Variants in SP100 observed in about 807,000 individuals in gnomAD.
SP100 encodes the protein SP100 nuclear body protein, also known as nuclear autoantigen Sp-100.
A neutral mutation model predicts 130.0 loss-of-function variants in SP100; 84 were observed. The ratio of observed to expected loss-of-function variants is 0.65; its 90% confidence interval spans 0.54 to 0.77. SP100 has a LOEUF of 0.77. Ranked by LOEUF, SP100 falls within the 30% of genes least tolerant of loss-of-function variation. The probability of loss-of-function intolerance (pLI) is 0.00; values close to 1 mark genes in which losing one functional copy is unlikely to be tolerated. For synonymous variants in SP100, 331 were observed against 351.7 expected, an observed-to-expected ratio of 0.94 and a Z score of 0.66; for missense variants, 978 against 1,052.2, an observed-to-expected ratio of 0.93 and a Z score of 0.97.
intron 2 of SP100, among the ~76,000 whole-genome samples, chr2:230,429,297 G>A (rs1575593435): frequency 6.6e-6 from 1 of 152,186 alleles, no homozygotes; most frequent in East Asian, 1.9e-4. Context: ...GGGCTGAGAG[G>A]AGGAGGTTTC....
At chr2:230,503,352 G>C (rs1004705106) in intron 20 of SP100, among the ~76,000 whole-genome samples, 2 of 152,088 alleles carry the variant, frequency 1.3e-5, no homozygotes, top group Non-Finnish European at 2.9e-5. Flanking sequence ...TTTGTTGATT[G>C]ATTGATTAAT....
chr2:230,517,370 GA>G (rs1387685900), intron 24 of SP100, among the ~76,000 whole-genome samples: 1 of 152,140 alleles, frequency 6.6e-6, no homozygotes, highest in Non-Finnish European at 1.5e-5. Flanking sequence ...AAGCAATACA[GA>G]AAGTTGTATG....
intron 2 of SP100, among the ~76,000 whole-genome samples, chr2:230,431,959 G>A (rs1174950173): frequency 6.6e-6 from 1 of 152,056 alleles, no homozygotes; most frequent in African/African-American, 2.4e-5. Flanking sequence ...CAGAATTACA[G>A]AGTTGTGCAA....
At chr2:230,534,659 C>A (rs1220756202) in intron 24 of SP100, among the ~76,000 whole-genome samples, 1 of 152,200 alleles carries the variant, frequency 6.6e-6, no homozygotes, top group Non-Finnish European at 1.5e-5. Context: ...GTTGTCACAT[C>A]TGAGGTGGTG....
chr2:230,492,701 G>A (rs1027351972), intron 17 of SP100, among the ~76,000 whole-genome samples: 1 of 151,970 alleles, frequency 6.6e-6, no homozygotes, highest in African/African-American at 2.4e-5. Context: ...TTTTATTTTT[G>A]TCCTTTTGCC....
In SP100 at chr2:230,419,783, G is replaced by A. The variant is rs533440916; in HGVS notation, c.107+2118G>A. Among the ~76,000 whole-genome samples, 190 of 152,270 alleles carry A rather than the reference G, an allele frequency of 1.2e-3. 1 individual carries two copies. The highest frequency in any genetic ancestry group is 1.7e-3 in the Non-Finnish European group (113 of 68,008). On this transcript the variant is annotated intron_variant, in intron 2 of 28. Transcript: ENST00000340126. The stretch of plus-strand genomic sequence containing the variant: ...ATATGCAGAGTTTGGTACTATCTGC[G>A]GTTTCAAGCATCCACTGGGGTTCTT...
At position 230,503,029 on chromosome 2, in the gene SP100, G is replaced by A. The variant is rs2150066110; in HGVS notation, c.1721-37G>A. ...TTTGTAAAACACTACTATTTGCAAT[G>A]TAAAGAGACATTTATGTTGTTTTTC... On this transcript the variant is annotated intron_variant, in intron 19 of 28. Coordinates refer to ENST00000340126, the MANE Select transcript of SP100 (RefSeq NM_001080391.2). 5.3e-6 allele frequency: 8 copies of A among 1,504,164 alleles called. No individual in the cohort carries two copies. In the East Asian group the frequency reaches 1.6e-4, roughly 30 times the overall value. 93.2% of individuals were successfully genotyped at this position (1,504,164 alleles called of 1,614,324 possible). A position where few individuals can be genotyped will look rare whatever the true frequency, so the allele number is the denominator to read the frequency against.
At chr2:230,447,534 C>T (rs1054270173) in intron 5 of SP100, among the ~76,000 whole-genome samples, 1 of 152,174 alleles carries the variant, frequency 6.6e-6, no homozygotes, top group Non-Finnish European at 1.5e-5. Flanking sequence ...TCCCGCAAGC[C>T]CTTCATTGGC....
chr2:230,429,334 T>C (rs1225806080), intron 2 of SP100, among the ~76,000 whole-genome samples: 2 of 152,248 alleles, frequency 1.3e-5, no homozygotes, highest in Non-Finnish European at 2.9e-5. Context: ...GCTAGTCTTA[T>C]GAGAGCTCTC....
At chr2:230,524,356 CAA>C (rs34536949) in intron 24 of SP100, among the ~76,000 whole-genome samples, 3 of 94,898 alleles carry the variant, frequency 3.2e-5, no homozygotes, top group Admixed American at 1.2e-4. Flanking sequence ...GATTCCATCT[CAA>C]AAAAAAAAAA....
chr2:230,520,666 A>C (rs1691130761), intron 24 of SP100: 1 of 152,240 alleles, frequency 6.6e-6, no homozygotes, highest in Admixed American at 6.5e-5. Context: ...TGTTGACGAA[A>C]ATTTAGCCTG....
chr2:230,511,160 C>G lies in SP100; in HGVS notation c.2088C>G (p.Asp696Glu). Reference sequence around the variant, plus strand: ...AATCTCACAACAATACCTTAGTTGACCCTTGTGTAAGTATAAATTTCCGAC... The same window carrying G: ...AATCTCACAACAATACCTTAGTTGAGCCTTGTGTAAGTATAAATTTCCGAC... Reference protein sequence around the residue: ...ILESHNNTLVDPCPENSNICE... With the variant: ...ILESHNNTLVEPCPENSNICE... Residue 696 changes from aspartate (D) to glutamate (E), a missense_variant, in exon 24 of 29, where the codon GAC (aspartate) becomes GAG (glutamate). Coordinates refer to ENST00000340126, the MANE Select transcript of SP100 (RefSeq NM_001080391.2). 1 of 1,607,546 alleles carries G rather than the reference C, an allele frequency of 6.2e-7. No individual in the cohort carries two copies. The highest frequency in any genetic ancestry group is 8.5e-7 in the Non-Finnish European group (1 of 1,174,160).
intron 2 of SP100, among the ~76,000 whole-genome samples, chr2:230,438,056 T>TTTACA (rs2063347964): frequency 6.6e-6 from 1 of 152,232 alleles, no homozygotes; most frequent in Non-Finnish European, 1.5e-5. Context: ...TCTTGCTTTT[T>TTTACA]GTTTTATTTA....
intron 5 of SP100, among the ~76,000 whole-genome samples, chr2:230,447,421 G>A (rs536595682): frequency 2.6e-5 from 4 of 152,232 alleles, no homozygotes; most frequent in African/African-American, 9.6e-5. Flanking sequence ...CCCAGACTTG[G>A]CACGGACTCC....
At chr2:230,425,176 C>G (rs1351967153) in intron 2 of SP100, among the ~76,000 whole-genome samples, 1 of 152,166 alleles carries the variant, frequency 6.6e-6, no homozygotes, top group Admixed American at 6.5e-5. Context: ...GATCTACTCT[C>G]TCAGCAAATT....
chr2:230,496,718 G>A (rs559241690), intron 18 of SP100, among the ~76,000 whole-genome samples: 33 of 152,248 alleles, frequency 2.2e-4, no homozygotes, highest in African/African-American at 7.7e-4. Flanking sequence ...CCCTAATTCA[G>A]GAACTTCAAC....
intron 24 of SP100, among the ~76,000 whole-genome samples, chr2:230,521,418 C>A (rs968213402): frequency 1.3e-5 from 2 of 152,186 alleles, no homozygotes; most frequent in Non-Finnish European, 2.9e-5. Flanking sequence ...ACCCCCGGTG[C>A]CTGCCTAACT....
intron 24 of SP100, among the ~76,000 whole-genome samples, chr2:230,536,078 G>A (rs983305757): frequency 4.6e-5 from 7 of 152,136 alleles, no homozygotes; most frequent in Non-Finnish European, 7.4e-5. Flanking sequence ...TGCACTTTGT[G>A]TGGGCAAATA....
intron 18 of SP100, among the ~76,000 whole-genome samples, chr2:230,496,616 G>T (rs948938249): frequency 3.9e-5 from 6 of 152,148 alleles, no homozygotes; most frequent in Non-Finnish European, 7.4e-5. Context: ...ATAGATTTTG[G>T]TGTCTCCTAG....
Sources: allele counts gnomAD v4.1 joint callset (sites outside exome capture counted in the v4.1 genomes callset), GRCh38; gene constraint gnomAD v4.1.1; transcripts MANE v1.5; gene names NCBI Gene and HGNC (gene_info 2026-07-23, HGNC 2026-07-21).